GNAL: variants seen among roughly 807,000 people sequenced by gnomAD.
GNAL encodes guanine nucleotide-binding protein G(olf) subunit alpha.
Under a neutral mutation model 55.1 loss-of-function variants are expected in GNAL, and 18 were observed. That is an observed-to-expected ratio of 0.33 (90% CI 0.23 to 0.48). GNAL has a LOEUF of 0.48. GNAL is among the 20% of genes least tolerant of loss of function. The pLI is 0.99. For missense variants in GNAL, 412 were observed against 614.1 expected (o/e 0.67, Z 3.48); for synonymous variants, 253 against 237.0 (o/e 1.07, Z -0.62).
chr18:11,842,059 G>A (rs1399520136), intron 5 of GNAL, among the ~76,000 whole-genome samples: 2 of 151,310 alleles, frequency 1.3e-5, no homozygotes, highest in Non-Finnish European at 2.9e-5. Context: ...CTCAACCTTC[G>A]CCTCCCGGGT....
chr18:11,693,441 A>C (rs1199893345), intron 1 of GNAL, among the ~76,000 whole-genome samples: 1 of 152,234 alleles, frequency 6.6e-6, no homozygotes, highest in African/African-American at 2.4e-5. Context: ...ACTAAAACGC[A>C]TACTGTTACA....
intron 9 of GNAL, among the ~76,000 whole-genome samples, chr18:11,871,993 AG>A (rs2036408974): frequency 6.6e-6 from 1 of 152,246 alleles, no homozygotes; most frequent in Non-Finnish European, 1.5e-5. Context: ...TGCTCCGACA[AG>A]CATTTCCTTC....
chr18:11,769,594 G>C (rs8095793), intron 4 of GNAL, among the ~76,000 whole-genome samples: 21,174 of 152,194 alleles, frequency 0.14, 3,211 homozygotes, highest in African/African-American at 0.38. Context: ...ACAGTTGTGG[G>C]AGTTAGTTTA....
At chr18:11,732,811 C>T (rs1253453145) in intron 1 of GNAL, among the ~76,000 whole-genome samples, 1 of 152,144 alleles carries the variant, frequency 6.6e-6, no homozygotes, top group Admixed American at 6.5e-5. Context: ...CAGCAGAACC[C>T]AGTAACTGAT....
intron 5 of GNAL, among the ~76,000 whole-genome samples, chr18:11,844,021 G>C (rs1472813294): frequency 6.6e-6 from 1 of 152,108 alleles, no homozygotes; most frequent in East Asian, 1.9e-4. Context: ...TTTAATTACA[G>C]TTATTCCTTG....
At chr18:11,858,633 C>T (rs2036062483) in intron 5 of GNAL, among the ~76,000 whole-genome samples, 1 of 152,164 alleles carries the variant, frequency 6.6e-6, no homozygotes, top group Non-Finnish European at 1.5e-5. Context: ...CAGAAATCTA[C>T]CACTCTATTA....
chr18:11,751,701 C>T lies in GNAL; in HGVS notation c.377-1152C>T. 1 of 979,796 alleles carries T rather than the reference C, an allele frequency of 1.0e-6. No individual in the cohort carries two copies. The highest frequency in any genetic ancestry group is 5.3e-4 in the Middle Eastern group (1 of 1,904). The allele number at this position is 979,796 out of a possible 1,614,324, so 60.7% of individuals were successfully genotyped here. ...CTGCGGGCCCGGAACCCAGGCCGGT[C>T]AGCGTGTAAGCGCCCCAGCCGGCCG... is the stretch of plus-strand genomic sequence containing the variant. On this transcript the variant is annotated intron_variant, in intron 1 of 11. Coordinates refer to ENST00000334049, the MANE Select transcript of GNAL (RefSeq NM_182978.4). The surrounding 1 kb of genome is among the most constrained non-coding windows in gnomAD (Gnocchi z 4.5).
chr18:11,816,342 G>T (rs934755776), intron 4 of GNAL, among the ~76,000 whole-genome samples: 1 of 151,884 alleles, frequency 6.6e-6, no homozygotes, highest in African/African-American at 2.4e-5. Flanking sequence ...TGTCACCCAG[G>T]CTGGAGTGCA....
chr18:11,795,950 GT>G (rs1238026716), intron 4 of GNAL, among the ~76,000 whole-genome samples: 1 of 152,160 alleles, frequency 6.6e-6, no homozygotes, highest in Non-Finnish European at 1.5e-5. Flanking sequence ...GGGATAGAGC[GT>G]TCCTAGACAG....
intron 10 of GNAL, among the ~76,000 whole-genome samples, chr18:11,876,217 G>A (rs1368765392): frequency 1.3e-5 from 2 of 152,224 alleles, no homozygotes; most frequent in South Asian, 2.1e-4. Context: ...AGTGACTCAC[G>A]CTTGTAATCC....
chr18:11,826,680 A>G (rs2035255566), intron 5 of GNAL, among the ~76,000 whole-genome samples: 1 of 152,176 alleles, frequency 6.6e-6, no homozygotes, highest in Non-Finnish European at 1.5e-5. Context: ...AAAGGGATCC[A>G]GGAGGGTACA....
At chr18:11,822,102 C>T (rs1021801643) in intron 4 of GNAL, among the ~76,000 whole-genome samples, 8 of 152,294 alleles carry the variant, frequency 5.3e-5, no homozygotes, top group African/African-American at 1.4e-4. Context: ...AGGCGCGGGG[C>T]GAGGGCGGCT....
At chr18:11,722,293 G>A (rs2032113445) in intron 1 of GNAL, among the ~76,000 whole-genome samples, 1 of 152,124 alleles carries the variant, frequency 6.6e-6, no homozygotes, top group African/African-American at 2.4e-5. Flanking sequence ...AACTTAACTG[G>A]GGTAAAGAAA....
At chr18:11,771,551 T>G (rs1429205340) in intron 4 of GNAL, among the ~76,000 whole-genome samples, 1 of 152,124 alleles carries the variant, frequency 6.6e-6, no homozygotes, top group Non-Finnish European at 1.5e-5. Flanking sequence ...CACACTGTCA[T>G]GTTGGCAAGG....
At chr18:11,857,857 A>G (rs2036044607) in intron 5 of GNAL, 1 of 303,350 alleles carries the variant, frequency 3.3e-6, no homozygotes, top group African/African-American at 2.3e-5. Flanking sequence ...CCTCCTGAGT[A>G]TCTGGGATCC....
At chr18:11,738,084 T>C (rs1456511666) in intron 1 of GNAL, among the ~76,000 whole-genome samples, 1 of 152,194 alleles carries the variant, frequency 6.6e-6, no homozygotes, top group Non-Finnish European at 1.5e-5. Context: ...AGCTCATCAC[T>C]CAGCAGATGA....
intron 4 of GNAL, among the ~76,000 whole-genome samples, chr18:11,808,772 G>A (rs1016196698): frequency 1.3e-5 from 2 of 152,226 alleles, no homozygotes; most frequent in African/African-American, 4.8e-5. Context: ...AATGACAGAT[G>A]GATCAACAAA....
chr18:11,690,478 C>CT (rs1314965056), intron 1 of GNAL, among the ~76,000 whole-genome samples: 1 of 151,414 alleles, frequency 6.6e-6, no homozygotes, highest in Non-Finnish European at 1.5e-5. Context: ...TTTTATTATA[C>CT]TTTAAGTTTT....
chr18:11,732,530 T>TGTTGAGTTGTGGTAG lies in GNAL; in HGVS notation c.377-20323_377-20322insGTTGAGTTGTGGTAG, dbSNP rs1298985424. ...TTTAATTGGGTTATTTGTCATTTTT[T>TGTTGAGTTGTGGTAG]CTCATTTGTTCTCAAGCACACGTAA... is the stretch of plus-strand genomic sequence containing the variant. On this transcript the variant is annotated intron_variant, in intron 1 of 11. Transcript: ENST00000334049. Among the ~76,000 whole-genome samples the TGTTGAGTTGTGGTAG allele has an allele frequency of 2.8e-3, 419 of 152,348 alleles. 2 individuals carry two copies. The highest frequency in any genetic ancestry group is 9.8e-3 in the African/African-American group (409 of 41,570).
Sources: allele counts gnomAD v4.1 joint callset (sites outside exome capture counted in the v4.1 genomes callset), GRCh38; gene constraint gnomAD v4.1.1; non-coding constraint Gnocchi (gnomAD v3.1); transcripts MANE v1.5; gene names NCBI Gene and HGNC (gene_info 2026-07-23, HGNC 2026-07-21).